The following PEA15 variants were observed in gnomAD, a reference collection of about 807,000 sequenced individuals.
The protein encoded by PEA15 is proliferation and apoptosis adaptor protein 15.
For missense variants in PEA15, 77 were observed against 161.3 expected (o/e 0.48, Z 2.83); for synonymous variants, 60 against 61.8 (o/e 0.97, Z 0.13).
intron 1 of PEA15, 161 bp from the exon 2 acceptor site, chr1:160,211,382 G>A: frequency 7.6e-7 from 1 of 1,319,154 alleles, no homozygotes; most frequent in Non-Finnish European, 9.8e-7. Context: ...GCCTCCCCTA[G>A]GTCTTCCTTT....
At position 160,212,824 on chromosome 1, in the gene PEA15, C is replaced by A. The variant is rs1337968056; in HGVS notation, c.173-286C>A. Among the ~76,000 whole-genome samples the A allele has an allele frequency of 3.3e-5, 5 of 152,184 alleles. No individual in the cohort carries two copies. In the East Asian group the frequency reaches 9.7e-4, roughly 29 times the overall value. ...CAAGTTGATTTTTCTTTTGTCCCCT[C>A]CCCACAACATATGGGAGCTAGTATC... On this transcript the variant is annotated intron_variant, in intron 2 of 3. Coordinates refer to ENST00000360472, the MANE Select transcript of PEA15 (RefSeq NM_003768.5).
Position 160,211,675 on chromosome 1 carries a change from C to G in PEA15, c.131C>G (p.Ala44Gly). 1 of 1,613,848 alleles carries G rather than the reference C, an allele frequency of 6.2e-7. No individual in the cohort carries two copies. Among genetic ancestry groups the G allele is most frequent in the Non-Finnish European group, 8.5e-7 (1 of 1,179,852 alleles). ...EKSEEITTGS[A>G]WFSFLESHNK... is the part of the protein sequence containing the mutation. Reference sequence around the variant, plus strand: ...AGTGAGGAGATCACTACTGGCAGTGCCTGGTTTAGCTTCCTGGAGAGCCAC... The same window carrying G: ...AGTGAGGAGATCACTACTGGCAGTGGCTGGTTTAGCTTCCTGGAGAGCCAC... The change falls in exon 2 of 4, where the codon GCC (alanine) becomes GGC (glycine). Residue 44 changes from alanine to glycine, a missense_variant. Physicochemically the swap from Ala to Gly is moderately conservative, Grantham distance 60. Coordinates refer to ENST00000360472, the MANE Select transcript of PEA15 (RefSeq NM_003768.5).
Position 160,208,371 on chromosome 1 carries a change from G to C in PEA15, c.-3+2849G>C. The C allele has an allele frequency of 1.8e-6, 1 of 543,982 alleles. No homozygotes were observed. 33.7% of individuals were successfully genotyped at this position (543,982 alleles called of 1,614,324 possible). A position where few individuals can be genotyped will look rare whatever the true frequency, so the allele number is the denominator to read the frequency against. ...AGGAAGGAAGGTGTGAGGAAGCGGT[G>C]AGCCTAGCACAGAAAGCTGGGAGGG... On this transcript the variant is annotated intron_variant, in intron 1 of 3. Transcript: ENST00000360472. This position sits in a 1 kb window ranked among gnomAD's most constrained non-coding sequence, Gnocchi z 4.1.
At chr1:160,206,993 C>T (rs1169723470) in intron 1 of PEA15, 2 of 152,456 alleles carry the variant, frequency 1.3e-5, no homozygotes, top group African/African-American at 4.8e-5. Flanking sequence ...TGAAGAGGGT[C>T]ACAGAATCAC....
At chr1:160,209,690 C>G (rs1654784590) in intron 1 of PEA15, among the ~76,000 whole-genome samples, 2 of 152,320 alleles carry the variant, frequency 1.3e-5, no homozygotes, top group East Asian at 3.9e-4. Flanking sequence ...GCAGGGTCTT[C>G]TTGTCTCCTG....
In PEA15 at chr1:160,211,719, G is replaced by T. The variant is rs8192602; in HGVS notation, c.172+3G>T. On this transcript the variant is annotated splice_donor_region_variant and intron_variant, in intron 2 of 3. Transcript: ENST00000360472. ...GAGCCACAACAAGCTGGACAAAGGT[G>T]GGGGAGGGGAGCACAGGGGTCCTGT... The T allele has an allele frequency of 1.2e-5, 19 of 1,611,914 alleles. No homozygotes were observed. The highest frequency in any genetic ancestry group is 1.7e-5 in the Admixed American group (1 of 59,886).
chr1:160,213,692 GAT>G lies in PEA15; in HGVS notation c.*207_*208del. On this transcript the variant is annotated 3_prime_UTR_variant, in exon 4 of 4. Transcript: ENST00000360472. This position sits in a 1 kb window ranked among gnomAD's most constrained non-coding sequence, Gnocchi z 5.3. Reference sequence around the variant, plus strand: ...CTCATCTAGTTCCTCTTCTTAAGGGGATGGGGGTCAGGGGCTAGGGGAGGGGG... The same window carrying G: ...CTCATCTAGTTCCTCTTCTTAAGGGGGGGGGTCAGGGGCTAGGGGAGGGGG... 1 of 317,854 alleles carries G rather than the reference GAT, an allele frequency of 3.1e-6. No homozygotes were observed. The highest frequency in any genetic ancestry group is 6.2e-6 in the Non-Finnish European group (1 of 160,128). 19.7% of individuals were successfully genotyped at this position (317,854 alleles called of 1,614,324 possible).
intron 1 of PEA15, chr1:160,211,169 G>C (rs1206551367): frequency 1.5e-5 from 6 of 409,876 alleles, no homozygotes; most frequent in African/African-American, 1.3e-4. Flanking sequence ...AAGTGGGTGG[G>C]GCGATTCTGA....
chr1:160,213,806 T>G lies in PEA15; in HGVS notation c.*320T>G, dbSNP rs987253044. On this transcript the variant is annotated 3_prime_UTR_variant, in exon 4 of 4. Coordinates refer to ENST00000360472, the MANE Select transcript of PEA15 (RefSeq NM_003768.5). The surrounding 1 kb of genome is among the most constrained non-coding windows in gnomAD (Gnocchi z 5.3). ...TTCCTCCTACTTCCCTTTCCTCCAC[T>G]CCCCCCATATCTTTAAAGTGTGGAA... The G allele has an allele frequency of 6.4e-6, 2 of 314,542 alleles. No homozygotes were observed. The highest frequency in any genetic ancestry group is 7.1e-5 in the East Asian group (1 of 14,038). The allele number at this position is 314,542 out of a possible 1,614,324, so 19.5% of individuals were successfully genotyped here.
Position 160,208,087 on chromosome 1 carries a change from T to C in PEA15, c.-3+2565T>C, listed in dbSNP as rs1654680756. On this transcript the variant is annotated intron_variant, in intron 1 of 3. Coordinates refer to ENST00000360472, the MANE Select transcript of PEA15 (RefSeq NM_003768.5). This position sits in a 1 kb window ranked among gnomAD's most constrained non-coding sequence, Gnocchi z 4.1. The stretch of plus-strand genomic sequence containing the variant: ...GTTAGAAGGGATAATCTACCACGAC[T>C]TAATGTCAAAATGCACAGAAATTCT... 6.6e-6 allele frequency among the ~76,000 whole-genome samples: 1 copy of C among 152,260 alleles called. No individual in the cohort carries two copies. Among genetic ancestry groups the C allele is most frequent in the Admixed American group, 6.5e-5 (1 of 15,294 alleles).
In PEA15 at chr1:160,208,799, CG is replaced by C. The variant is rs1378568485; in HGVS notation, c.-2-2743del. On this transcript the variant is annotated intron_variant, in intron 1 of 3. Coordinates refer to ENST00000360472, the MANE Select transcript of PEA15 (RefSeq NM_003768.5). This position sits in a 1 kb window ranked among gnomAD's most constrained non-coding sequence, Gnocchi z 4.1. ...GCAACTGGGCTGCCTTTCCTTGTAC[CG>C]TCAGGGGGCCTTATTCCTATCCTTT... The C allele has an allele frequency of 2.9e-6, 2 of 701,454 alleles. No individual in the cohort carries two copies. Among genetic ancestry groups the C allele is most frequent in the Admixed American group, 4.5e-5 (2 of 44,430 alleles). 43.5% of individuals were successfully genotyped at this position (701,454 alleles called of 1,614,324 possible).
chr1:160,208,319 C>T lies in PEA15; in HGVS notation c.-3+2797C>T, dbSNP rs1571062259. On this transcript the variant is annotated intron_variant, in intron 1 of 3. Coordinates refer to ENST00000360472, the MANE Select transcript of PEA15 (RefSeq NM_003768.5). This position sits in a 1 kb window ranked among gnomAD's most constrained non-coding sequence, Gnocchi z 4.1. ...ACCTTTGTCAGGGCTGTGCCTGGGG[C>T]CAGCTTGGAAGGAGAGGGAGGCAGG... 2 of 449,534 alleles carry T rather than the reference C, an allele frequency of 4.4e-6. No homozygotes were observed. Among genetic ancestry groups the T allele is most frequent in the Non-Finnish European group, 8.2e-6 (2 of 244,086 alleles). The allele number at this position is 449,534 out of a possible 1,614,324, so 27.8% of individuals were successfully genotyped here.
At chr1:160,211,974 T>A (rs1198087117) in intron 2 of PEA15, among the ~76,000 whole-genome samples, 2 of 152,174 alleles carry the variant, frequency 1.3e-5, no homozygotes, top group African/African-American at 4.8e-5. Flanking sequence ...TAGTAAAATT[T>A]TAAGTGGCAA....
intron 1 of PEA15, among the ~76,000 whole-genome samples, chr1:160,210,740 AG>A (rs1198010456): frequency 6.6e-6 from 1 of 152,206 alleles, no homozygotes; most frequent in Non-Finnish European, 1.5e-5. Flanking sequence ...GGAACTGGGC[AG>A]GGGGCCAGAG....
In PEA15 at chr1:160,208,832, C is replaced by T. The variant is rs1202104633; in HGVS notation, c.-2-2711C>T. The T allele has an allele frequency of 1.7e-6, 1 of 604,454 alleles. No individual in the cohort carries two copies. The highest frequency in any genetic ancestry group is 2.9e-6 in the Non-Finnish European group (1 of 339,636). 37.4% of individuals were successfully genotyped at this position (604,454 alleles called of 1,614,324 possible). On this transcript the variant is annotated intron_variant, in intron 1 of 3. Coordinates refer to ENST00000360472, the MANE Select transcript of PEA15 (RefSeq NM_003768.5). The surrounding 1 kb of genome is among the most constrained non-coding windows in gnomAD (Gnocchi z 4.1). ...GGCCTTATTCCTATCCTTTCTGTCC[C>T]TTCTTACTCACCATTCCCTACACTC...
rs112058684 is a variant in PEA15, at chr1:160,213,495, G to A, written c.*9G>A. 9.7e-4 allele frequency: 1,560 copies of A among 1,612,878 alleles called. 18 individuals carry two copies. The African/African-American group carries it at 0.017, about 17-fold the overall frequency. On this transcript the variant is annotated 3_prime_UTR_variant, in exon 4 of 4. Coordinates refer to ENST00000360472, the MANE Select transcript of PEA15 (RefSeq NM_003768.5). This position sits in a 1 kb window ranked among gnomAD's most constrained non-coding sequence, Gnocchi z 5.3. ...CACCGAAGAAGGCCTGAGCAAGGGG[G>A]AGGAAGAGGAGGAAGGTTGGACCTT...
chr1:160,210,566 G>C (rs1427285614), intron 1 of PEA15, among the ~76,000 whole-genome samples: 1 of 152,236 alleles, frequency 6.6e-6, no homozygotes, highest in Non-Finnish European at 1.5e-5. Flanking sequence ...AAGAGGGATA[G>C]GGTGAAAGCC....
At position 160,213,304 on chromosome 1, in the gene PEA15, C is replaced by A. The variant is rs1557823831; in HGVS notation, c.328+39C>A. The A allele has an allele frequency of 6.2e-7, 1 of 1,613,880 alleles. No homozygotes were observed. Among genetic ancestry groups the A allele is most frequent in the Non-Finnish European group, 8.5e-7 (1 of 1,179,770 alleles). On this transcript the variant is annotated intron_variant, in intron 3 of 3. Transcript: ENST00000360472. This position sits in a 1 kb window ranked among gnomAD's most constrained non-coding sequence, Gnocchi z 5.3. Reference sequence around the variant, plus strand: ...CCTTTAACTAGCTGCACCTCTGCCTCGTCCCGTTGACTATCCTTGGAGTAC... The same window carrying A: ...CCTTTAACTAGCTGCACCTCTGCCTAGTCCCGTTGACTATCCTTGGAGTAC...
intron 1 of PEA15, chr1:160,207,153 T>C (rs1359534111): frequency 4.6e-5 from 7 of 152,570 alleles, no homozygotes; most frequent in Admixed American, 1.3e-4. Flanking sequence ...CCCTTCCTAA[T>C]TGCAGCTCCG....
Sources: allele counts gnomAD v4.1 joint callset (sites outside exome capture counted in the v4.1 genomes callset), GRCh38; gene constraint gnomAD v4.1.1; non-coding constraint Gnocchi (gnomAD v3.1); transcripts MANE v1.5; gene names NCBI Gene and HGNC (gene_info 2026-07-23, HGNC 2026-07-21).